ATP8A1: variants seen among roughly 807,000 people sequenced by gnomAD.
ATP8A1 encodes ATPase phospholipid transporting 8A1, also known as phospholipid-transporting ATPase IA.
ATP8A1 carries 90 observed loss-of-function variants against 177.7 expected under a neutral mutation model. The observed-to-expected ratio is 0.51, with a 90% CI of 0.43 to 0.60. ATP8A1 has a LOEUF of 0.60. ATP8A1 is among the 20% of genes least tolerant of loss of function. The pLI, the probability that ATP8A1 is intolerant of heterozygous loss-of-function variation, is 0.00. For missense variants in ATP8A1, 1,072 were observed against 1,392.8 expected (o/e 0.77, Z 3.67); for synonymous variants, 493 against 485.9 (o/e 1.01, Z -0.19).
chr4:42,552,852 G>A (rs1181331295), intron 16 of ATP8A1, among the ~76,000 whole-genome samples: 7 of 152,146 alleles, frequency 4.6e-5, no homozygotes, highest in Non-Finnish European at 1.0e-4. Context: ...GGTGGCAGGC[G>A]CCTGTAATGC....
chr4:42,614,247 G>T (rs933800355), intron 5 of ATP8A1, among the ~76,000 whole-genome samples: 4 of 152,094 alleles, frequency 2.6e-5, no homozygotes, highest in Admixed American at 2.6e-4. Context: ...TAGCTATGGT[G>T]ACCACACCTC....
At chr4:42,467,624 T>C (rs71610019) in intron 25 of ATP8A1, among the ~76,000 whole-genome samples, 16,290 of 152,046 alleles carry the variant, frequency 0.11, 1,070 homozygotes, top group Middle Eastern at 0.19. Flanking sequence ...ACCCAGGAAG[T>C]GGAGGTTGCA....
intron 27 of ATP8A1, among the ~76,000 whole-genome samples, chr4:42,461,907 A>G (rs1719203078): frequency 6.6e-6 from 1 of 152,206 alleles, no homozygotes; most frequent in Admixed American, 6.5e-5. Flanking sequence ...CTTGCTGGTA[A>G]CTGGAGCAAA....
At chr4:42,457,298 A>G (rs1296775256) in intron 27 of ATP8A1, among the ~76,000 whole-genome samples, 2 of 152,138 alleles carry the variant, frequency 1.3e-5, no homozygotes, top group African/African-American at 4.8e-5. Context: ...AATGCTCTCT[A>G]TTGTGTTTTC....
intron 24 of ATP8A1, among the ~76,000 whole-genome samples, chr4:42,501,482 T>G (rs114154461): frequency 1.6e-3 from 244 of 152,342 alleles, no homozygotes; most frequent in African/African-American, 5.4e-3. Flanking sequence ...TTGAGTGCAC[T>G]CATTAAAATT....
At chr4:42,461,226 T>C (rs887664611) in intron 27 of ATP8A1, among the ~76,000 whole-genome samples, 2 of 149,926 alleles carry the variant, frequency 1.3e-5, no homozygotes, top group African/African-American at 4.9e-5. Flanking sequence ...AGATAAAATA[T>C]ACTGAGATCA....
intron 22 of ATP8A1, among the ~76,000 whole-genome samples, chr4:42,516,374 T>C (rs1321454963): frequency 1.3e-5 from 2 of 151,986 alleles, no homozygotes; most frequent in East Asian, 1.9e-4. Context: ...CTTGAACAGA[T>C]AAAAGCATTG....
At chr4:42,584,364 T>C (rs2109351608) in intron 9 of ATP8A1, among the ~76,000 whole-genome samples, 1 of 152,328 alleles carries the variant, frequency 6.6e-6, no homozygotes, top group Non-Finnish European at 1.5e-5. Flanking sequence ...AACAAAACTC[T>C]TTGAAAAAGA....
chr4:42,602,383 A>T (rs1452243691), intron 5 of ATP8A1, among the ~76,000 whole-genome samples: 3 of 152,222 alleles, frequency 2.0e-5, no homozygotes, highest in African/African-American at 7.2e-5. Context: ...CCCGGAGTCA[A>T]AACAGCCTCC....
chr4:42,420,462 C>T (rs1040831242), intron 35 of ATP8A1, among the ~76,000 whole-genome samples: 1 of 152,160 alleles, frequency 6.6e-6, no homozygotes, highest in African/African-American at 2.4e-5. Flanking sequence ...GTCATTTATG[C>T]TGGAATTCAC....
Position 42,464,973 on chromosome 4 carries a change from G to A in ATP8A1, c.2428C>T (p.Gln810Ter). Reference sequence around the variant, plus strand: ...ATACCAACACCAACGTGCGCTGTCTGTATCATGCTGACATCATTTGCTCCA... The same window carrying A: ...ATACCAACACCAACGTGCGCTGTCTATATCATGCTGACATCATTTGCTCCA... ...GDGANDVSMI[Q>*]TAHVGVGISG... Residue 810 changes from glutamine to a stop codon, truncating the protein, a stop_gained, in exon 26 of 37, where the codon CAG (glutamine) becomes TAG (stop). Transcript: ENST00000381668. LOFTEE classifies it high-confidence loss of function. The A allele has an allele frequency of 7.4e-6, 12 of 1,614,176 alleles. No individual in the cohort carries two copies. Among genetic ancestry groups the A allele is most frequent in the Non-Finnish European group, 9.3e-6 (11 of 1,180,020 alleles).
chr4:42,522,337 G>T, intron 21 of ATP8A1, 38 bp from the exon 22 acceptor site: 1 of 1,597,410 alleles, frequency 6.3e-7, no homozygotes, highest in Non-Finnish European at 8.5e-7. Flanking sequence ...ACACACCAAA[G>T]ATTTTCTTCA....
intron 22 of ATP8A1, among the ~76,000 whole-genome samples, chr4:42,520,810 A>G (rs1325022466): frequency 1.3e-5 from 2 of 152,218 alleles, no homozygotes; most frequent in Non-Finnish European, 2.9e-5. Context: ...GTGAGCTTAT[A>G]TTTATATTTA....
intron 6 of ATP8A1, chr4:42,594,418 T>A (rs1734512961): frequency 1.0e-6 from 1 of 978,220 alleles, no homozygotes; most frequent in Non-Finnish European, 1.6e-6. Context: ...GTTACAAATA[T>A]ACAACCCATT....
intron 27 of ATP8A1, among the ~76,000 whole-genome samples, chr4:42,459,946 C>T (rs1718918950): frequency 1.3e-5 from 2 of 152,070 alleles, no homozygotes; most frequent in Admixed American, 1.3e-4. Context: ...CGCCTGCCAC[C>T]ACGCCTGGCT....
At position 42,581,280 on chromosome 4, in the gene ATP8A1, T is replaced by C. The variant is rs1025682964; in HGVS notation, c.834+341A>G. ...TCCCGAGTAGCTGGGATTACAGGTG[T>C]CCACTACCACGCCCGGCTAATTTTT... On this transcript the variant is annotated intron_variant, in intron 10 of 36. Transcript: ENST00000381668. 6.6e-5 allele frequency among the ~76,000 whole-genome samples: 10 copies of C among 152,164 alleles called. No homozygotes were observed. The East Asian group carries it at 7.7e-4, about 12-fold the overall frequency.
Position 42,567,005 on chromosome 4 carries a change from A to AG in ATP8A1, c.1340+2155_1340+2156insC, listed in dbSNP as rs1472357015. Among the ~76,000 whole-genome samples, 4 of 152,324 alleles carry AG rather than the reference A, an allele frequency of 2.6e-5. No homozygotes were observed. The East Asian group carries it at 7.7e-4, about 29-fold the overall frequency. On this transcript the variant is annotated intron_variant, in intron 15 of 36. Transcript: ENST00000381668. ...TTCAAAACCTCCTGATGATGCAACT[A>AG]CTATTATTATCTACATTCTTCCAGA...
chr4:42,624,581 T>C lies in ATP8A1; in HGVS notation c.318A>G (p.Leu106=), dbSNP rs1161514893. The stretch of plus-strand genomic sequence containing the variant: ...TGATAGCTGCCACAGCTAAAATAAA[T>C]AAGAGAGGAACCAGTGTTGTATAAC... ...TGRYTTLVPL[L]FILAVAAIKE... is the part of the protein sequence containing the mutation. The change falls in exon 4 of 37, where the codon TTA becomes TTG. Residue 106 remains leucine, a synonymous_variant. Transcript: ENST00000381668. 3 of 1,497,336 alleles carry C rather than the reference T, an allele frequency of 2.0e-6. No individual in the cohort carries two copies. The highest frequency in any genetic ancestry group is 4.9e-5 in the East Asian group (2 of 41,158). 92.8% of individuals were successfully genotyped at this position (1,497,336 alleles called of 1,614,324 possible). A position where few individuals can be genotyped will look rare whatever the true frequency, so the allele number is the denominator to read the frequency against.
At chr4:42,585,378 T>C (rs1445035739) in intron 9 of ATP8A1, among the ~76,000 whole-genome samples, 1 of 151,590 alleles carries the variant, frequency 6.6e-6, no homozygotes, top group Non-Finnish European at 1.5e-5. Context: ...CAAGGTGCTA[T>C]GGTCTGAAAG....
Sources: allele counts gnomAD v4.1 joint callset (sites outside exome capture counted in the v4.1 genomes callset), GRCh38; gene constraint gnomAD v4.1.1; transcripts MANE v1.5; gene names NCBI Gene and HGNC (gene_info 2026-07-23, HGNC 2026-07-21).